The following TMCO4 variants were observed in gnomAD, a reference collection of about 807,000 sequenced individuals.
TMCO4 encodes the protein transmembrane and coiled-coil domain-containing protein 4.
TMCO4 carries 58 observed loss-of-function variants against 64.7 expected under a neutral mutation model. The ratio of observed to expected loss-of-function variants is 0.90; its 90% confidence interval spans 0.73 to 1.12. TMCO4 has a LOEUF of 1.12. TMCO4 is among the 50% of genes most tolerant of loss of function. The pLI, the probability that TMCO4 is intolerant of heterozygous loss-of-function variation, is 0.00. For missense variants in TMCO4, 780 were observed against 825.9 expected, an observed-to-expected ratio of 0.94 and a Z score of 0.68; for synonymous variants, 325 against 346.1, an observed-to-expected ratio of 0.94 and a Z score of 0.68.
intron 13 of TMCO4, among the ~76,000 whole-genome samples, chr1:19,717,775 T>G (rs1314677089): frequency 6.6e-6 from 1 of 152,230 alleles, no homozygotes; most frequent in Non-Finnish European, 1.5e-5. Context: ...TCCTTTGAAC[T>G]GCTGCAGCCC....
chr1:19,682,626 G>A lies in TMCO4; in HGVS notation c.*414C>T, dbSNP rs1445864550. The A allele has an allele frequency of 1.4e-6, 1 of 717,510 alleles. No individual in the cohort carries two copies. The highest frequency in any genetic ancestry group is 2.7e-5 in the East Asian group (1 of 37,366). The allele number at this position is 717,510 out of a possible 1,614,324, so 44.4% of individuals were successfully genotyped here. On this transcript the variant is annotated 3_prime_UTR_variant, in exon 16 of 16. Transcript: ENST00000294543. ...GGATGGAAGAACAGGCATGCACCTG[G>A]TTTTATTGAGGCCAGGGGAGAGCTG...
At chr1:19,745,262 G>A (rs533722019) in intron 10 of TMCO4, among the ~76,000 whole-genome samples, 2 of 138,220 alleles carry the variant, frequency 1.4e-5, no homozygotes, top group South Asian at 5.1e-4. Context: ...ACAGGTGGGT[G>A]GATGGATGGG....
intron 2 of TMCO4, among the ~76,000 whole-genome samples, chr1:19,789,821 G>A (rs2043936496): frequency 6.6e-6 from 1 of 152,058 alleles, no homozygotes; most frequent in Non-Finnish European, 1.5e-5. Context: ...GGGAGGCCGA[G>A]GCAGGTGGAT....
chr1:19,714,942 A>C (rs2095348561), intron 13 of TMCO4, among the ~76,000 whole-genome samples: 1 of 151,386 alleles, frequency 6.6e-6, no homozygotes, highest in Non-Finnish European at 1.5e-5. Context: ...TAAATAAATA[A>C]ATAAAAAATA....
At chr1:19,771,197 A>AT in intron 5 of TMCO4, 111 bp downstream of exon 5, 2 of 1,176,384 alleles carry the variant, frequency 1.7e-6, no homozygotes, top group Non-Finnish European at 2.4e-6. Context: ...ATGATGACAT[A>AT]TTTTATCTTC....
intron 13 of TMCO4, among the ~76,000 whole-genome samples, chr1:19,731,818 T>C (rs904979896): frequency 3.9e-5 from 6 of 152,024 alleles, no homozygotes; most frequent in Admixed American, 6.6e-5. Flanking sequence ...AGCAGGGAGG[T>C]CACACTCGAG....
rs140169982 is a variant in TMCO4, at chr1:19,732,523, C to A, written c.1264+4849G>T. ...GATGACCAGCGTCCTTTCTCACCTC[C>A]TCTCTAGATGATCAATGAGGCAGGG... On this transcript the variant is annotated intron_variant, in intron 13 of 15. Coordinates refer to ENST00000294543, the MANE Select transcript of TMCO4 (RefSeq NM_181719.7). The surrounding 1 kb of genome is among the most constrained non-coding windows in gnomAD (Gnocchi z 4.8). 0.024 allele frequency among the ~76,000 whole-genome samples: 3,626 copies of A among 151,888 alleles called. 68 individuals are homozygous for A. Among genetic ancestry groups the A allele is most frequent in the Non-Finnish European group, 0.032 (2,188 of 67,812 alleles).
chr1:19,732,367 T>C lies in TMCO4; in HGVS notation c.1264+5005A>G, dbSNP rs1570798599. 6.6e-6 allele frequency among the ~76,000 whole-genome samples: 1 copy of C among 152,084 alleles called. No homozygotes were observed. Among genetic ancestry groups the C allele is most frequent in the East Asian group, 1.9e-4 (1 of 5,146 alleles). On this transcript the variant is annotated intron_variant, in intron 13 of 15. Coordinates refer to ENST00000294543, the MANE Select transcript of TMCO4 (RefSeq NM_181719.7). The surrounding 1 kb of genome is among the most constrained non-coding windows in gnomAD (Gnocchi z 4.8). ...TAAAATTTTTTGTAGAGGCAAATTA[T>C]GTTGCCCAGGCTGGTCTTGAACTCC...
intron 6 of TMCO4, among the ~76,000 whole-genome samples, chr1:19,761,170 A>C (rs2042485590): frequency 6.6e-6 from 1 of 152,140 alleles, no homozygotes. Flanking sequence ...CTGGACAGCG[A>C]GTAGTAAAGT....
intron 13 of TMCO4, among the ~76,000 whole-genome samples, chr1:19,724,808 C>T (rs2095401530): frequency 6.6e-6 from 1 of 152,164 alleles, no homozygotes; most frequent in South Asian, 2.1e-4. Flanking sequence ...GTCACCCAGG[C>T]TGGAGTGCAG....
intron 7 of TMCO4, among the ~76,000 whole-genome samples, chr1:19,754,905 C>A (rs1475460022): frequency 1.3e-5 from 2 of 152,134 alleles, no homozygotes; most frequent in South Asian, 4.2e-4. Flanking sequence ...AGGGCACTAT[C>A]CTTATTCCTG....
rs775066966 is a variant in TMCO4, at chr1:19,746,449, A to C, written c.757+7T>G. On this transcript the variant is annotated splice_region_variant and intron_variant, in intron 9 of 15. Coordinates refer to ENST00000294543, the MANE Select transcript of TMCO4 (RefSeq NM_181719.7). ...CCTCTGAACCCATCATTCCTTTTGA[A>C]CCTTACCTGTCAGGCCAGCTCCAGC... 3 of 1,613,052 alleles carry C rather than the reference A, an allele frequency of 1.9e-6. No homozygotes were observed. The highest frequency in any genetic ancestry group is 2.5e-6 in the Non-Finnish European group (3 of 1,179,620).
chr1:19,771,126 C>T (rs904605495), intron 5 of TMCO4, among the ~76,000 whole-genome samples, 182 bp downstream of exon 5: 2 of 145,400 alleles, frequency 1.4e-5, no homozygotes, highest in African/African-American at 5.0e-5. Flanking sequence ...ACGTAATCAG[C>T]ATTAAGAGTA....
rs2043440931 is a variant in TMCO4 at position 19,780,868 on chromosome 1, CAT to C, written c.-8-104_-8-103del. 1.2e-5 allele frequency: 12 copies of C among 1,011,074 alleles called. No homozygotes were observed. The East Asian group carries it at 3.2e-4, about 27-fold the overall frequency. 62.6% of individuals were successfully genotyped at this position (1,011,074 alleles called of 1,614,324 possible). On this transcript the variant is annotated intron_variant, in intron 3 of 15. Transcript: ENST00000294543. Reference sequence around the variant, plus strand: ...AACCATAAAAGGTTGATAAAGTAGGCATCATTAAAATGAAGAACTTCTTTTCA... The same window carrying C: ...AACCATAAAAGGTTGATAAAGTAGGCCATTAAAATGAAGAACTTCTTTTCA...
chr1:19,732,746 T>C lies in TMCO4; in HGVS notation c.1264+4626A>G, dbSNP rs1193738009. Among the ~76,000 whole-genome samples the C allele has an allele frequency of 3.3e-5, 5 of 151,690 alleles. No homozygotes were observed. Among genetic ancestry groups the C allele is most frequent in the Non-Finnish European group, 5.9e-5 (4 of 67,918 alleles). On this transcript the variant is annotated intron_variant, in intron 13 of 15. Coordinates refer to ENST00000294543, the MANE Select transcript of TMCO4 (RefSeq NM_181719.7). The surrounding 1 kb of genome is among the most constrained non-coding windows in gnomAD (Gnocchi z 4.8). ...TCTTTAAAAAAATGAAGAATGTGTT[T>C]AGAGTTTTCTGGGCCCAAGTTCTTT... is the stretch of plus-strand genomic sequence containing the variant.
intron 13 of TMCO4, among the ~76,000 whole-genome samples, chr1:19,716,523 C>T (rs1454581897): frequency 6.6e-6 from 1 of 151,804 alleles, no homozygotes; most frequent in East Asian, 1.9e-4. Context: ...AGCCACCACT[C>T]TTGGCCAATT....
chr1:19,738,841 T>C (rs1168544512), intron 12 of TMCO4, among the ~76,000 whole-genome samples: 1 of 152,228 alleles, frequency 6.6e-6, no homozygotes, highest in Non-Finnish European at 1.5e-5. Context: ...ATACTATATT[T>C]CCCAGCTTCT....
intron 14 of TMCO4, among the ~76,000 whole-genome samples, chr1:19,694,967 G>T (rs1019209862): frequency 6.6e-6 from 1 of 152,218 alleles, no homozygotes; most frequent in Non-Finnish European, 1.5e-5. Context: ...CTTGTCCAGG[G>T]CTCCCTGGAA....
intron 13 of TMCO4, among the ~76,000 whole-genome samples, chr1:19,729,534 G>C (rs1222156633): frequency 6.6e-6 from 1 of 151,830 alleles, no homozygotes; most frequent in East Asian, 2.0e-4. Flanking sequence ...GGGAGGCTAA[G>C]GTGGGCAGAT....
Sources: allele counts gnomAD v4.1 joint callset (sites outside exome capture counted in the v4.1 genomes callset), GRCh38; gene constraint gnomAD v4.1.1; non-coding constraint Gnocchi (gnomAD v3.1); transcripts MANE v1.5; gene names NCBI Gene and HGNC (gene_info 2026-07-23, HGNC 2026-07-21).